PIAS1: variants seen among roughly 807,000 people sequenced by gnomAD.
The protein encoded by PIAS1 is protein inhibitor of activated STAT 1.
PIAS1 carries 6 observed loss-of-function variants against 71.3 expected under a neutral mutation model. That is an observed-to-expected ratio of 0.08 (90% CI 0.05 to 0.17). PIAS1 has a LOEUF of 0.17. Among genes scored for constraint, PIAS1 ranks in the 10% least tolerant of loss-of-function variants. PIAS1 has a pLI of 1.00. For missense variants in PIAS1, 555 were observed against 793.6 expected, an observed-to-expected ratio of 0.70 and a Z score of 3.61; for synonymous variants, 303 against 292.9, an observed-to-expected ratio of 1.03 and a Z score of -0.35.
Position 68,187,671 on chromosome 15 carries a change from A to G in PIAS1, c.1792A>G (p.Ser598Gly). The change falls in exon 14 of 14, where the codon AGT becomes GGT. Residue 598 changes from serine to glycine, a missense_variant. By Grantham distance (56) the Ser-to-Gly change is moderately conservative. Around this residue, in one of 5 missense-constraint regions of PIAS1, gnomAD observed 244 missense variants for 307.5 expected, o/e 0.79. Coordinates refer to ENST00000249636, the MANE Select transcript of PIAS1 (RefSeq NM_016166.3). The surrounding 1 kb of genome is among the most constrained non-coding windows in gnomAD (Gnocchi z 5.3). ...TCTTGATCAGTTAAGTGCAGGAGGC[A>G]GTACTTCTCTGCCAACCACCAATGG... The part of the protein sequence containing the change: ...MFLDQLSAGG[S>G]TSLPTTNGSS... 3 of 1,614,030 alleles carry G rather than the reference A, an allele frequency of 1.9e-6. No individual in the cohort carries two copies. Among genetic ancestry groups the G allele is most frequent in the Non-Finnish European group, 2.5e-6 (3 of 1,179,892 alleles).
chr15:68,108,028 C>T (rs1209138923), intron 2 of PIAS1, among the ~76,000 whole-genome samples: 2 of 152,126 alleles, frequency 1.3e-5, no homozygotes, highest in African/African-American at 2.4e-5. Flanking sequence ...AGCATAAAAG[C>T]TAATCCATCA....
At chr15:68,127,540 CAT>C (rs1297438491) in intron 2 of PIAS1, among the ~76,000 whole-genome samples, 4 of 150,212 alleles carry the variant, frequency 2.7e-5, no homozygotes, top group African/African-American at 9.8e-5. Context: ...TGTTACCACT[CAT>C]ATATTTGCTT....
At chr15:68,168,959 T>C (rs1023258238) in intron 8 of PIAS1, among the ~76,000 whole-genome samples, 1 of 152,214 alleles carries the variant, frequency 6.6e-6, no homozygotes, top group Non-Finnish European at 1.5e-5. Context: ...TGAAGGCCTT[T>C]GGAAAACAGC....
At chr15:68,066,463 C>T (rs556507303) in intron 1 of PIAS1, among the ~76,000 whole-genome samples, 1 of 152,122 alleles carries the variant, frequency 6.6e-6, no homozygotes, top group African/African-American at 2.4e-5. Context: ...TGAAAAATTC[C>T]CTAACTTAAT....
chr15:68,091,894 C>T (rs953787590), intron 2 of PIAS1, among the ~76,000 whole-genome samples: 5 of 152,092 alleles, frequency 3.3e-5, no homozygotes, highest in Admixed American at 6.6e-5. Flanking sequence ...TGTAGGTACT[C>T]GAAGTAATTT....
rs2093069954 is a variant in PIAS1 at position 68,183,646 on chromosome 15, T to C, written c.1641T>C (p.Pro547=). Residue 547 remains proline, a synonymous_variant, in exon 13 of 14, where the codon CCT becomes CCC. Transcript: ENST00000249636. ...CTTCCACAGGATTAGATTTCTTTCC[T>C]TTCTTATCAGGAGACAATCAGGTAT... is the stretch of plus-strand genomic sequence containing the variant. ...PYDLQGLDFF[P]FLSGDNQHYN... 1.8e-6 allele frequency: 2 copies of C among 1,133,112 alleles called. No individual in the cohort carries two copies. The highest frequency in any genetic ancestry group is 2.6e-6 in the Non-Finnish European group (2 of 777,904). 70.2% of individuals were successfully genotyped at this position (1,133,112 alleles called of 1,614,324 possible).
At chr15:68,073,239 G>T (rs1165740470) in intron 1 of PIAS1, among the ~76,000 whole-genome samples, 1 of 152,008 alleles carries the variant, frequency 6.6e-6, no homozygotes. Context: ...GGATGGTCTC[G>T]ATCTCCTGAC....
chr15:68,079,089 G>A (rs2092201028), intron 1 of PIAS1, among the ~76,000 whole-genome samples: 1 of 147,104 alleles, frequency 6.8e-6, no homozygotes, highest in African/African-American at 2.5e-5. Context: ...CTGTAAGATT[G>A]TAATTTGGTA....
chr15:68,116,722 A>G (rs2092568045), intron 2 of PIAS1, among the ~76,000 whole-genome samples: 1 of 151,702 alleles, frequency 6.6e-6, no homozygotes, highest in Non-Finnish European at 1.5e-5. Context: ...AGAGCTGTAA[A>G]TTTCTCTCTA....
intron 1 of PIAS1, among the ~76,000 whole-genome samples, chr15:68,060,895 G>T (rs990707268): frequency 6.6e-6 from 1 of 152,198 alleles, no homozygotes; most frequent in Non-Finnish European, 1.5e-5. Flanking sequence ...TGTTGGCCAG[G>T]TTGGTCTCTA....
At chr15:68,116,886 T>G (rs918771036) in intron 2 of PIAS1, among the ~76,000 whole-genome samples, 3 of 152,198 alleles carry the variant, frequency 2.0e-5, no homozygotes, top group African/African-American at 7.2e-5. Flanking sequence ...TTTCCTGATA[T>G]AGTTCTTGTT....
At chr15:68,109,813 C>G (rs1342830873) in intron 2 of PIAS1, among the ~76,000 whole-genome samples, 1 of 152,192 alleles carries the variant, frequency 6.6e-6, no homozygotes, top group African/African-American at 2.4e-5. Flanking sequence ...ACAAAAATGT[C>G]TATTCAGGGA....
At chr15:68,112,583 C>T (rs893760358) in intron 2 of PIAS1, among the ~76,000 whole-genome samples, 2 of 152,118 alleles carry the variant, frequency 1.3e-5, no homozygotes, top group Non-Finnish European at 2.9e-5. Context: ...ATGCCTACTA[C>T]AGCCTAATAG....
At position 68,120,142 on chromosome 15, in the gene PIAS1, C is replaced by G. The variant is rs188173182; in HGVS notation, c.470-21804C>G. Among the ~76,000 whole-genome samples, 42 of 152,218 alleles carry G rather than the reference C, an allele frequency of 2.8e-4. 1 individual carries two copies. The East Asian group carries it at 3.3e-3, about 12-fold the overall frequency. On this transcript the variant is annotated intron_variant, in intron 2 of 13. Coordinates refer to ENST00000249636, the MANE Select transcript of PIAS1 (RefSeq NM_016166.3). ...TTGTTTTGGTCATGGTATATCTTAT[C>G]CTTCTTTGTTACCATGATGTATCTT...
At chr15:68,059,813 T>G (rs2091938388) in intron 1 of PIAS1, among the ~76,000 whole-genome samples, 2 of 151,970 alleles carry the variant, frequency 1.3e-5, no homozygotes, top group Non-Finnish European at 2.9e-5. Context: ...ATTCCTGGCC[T>G]CAAACAGTGC....
In PIAS1 at chr15:68,185,083, T is replaced by G. The variant is rs1270178135; in HGVS notation, c.1662+1416T>G. The G allele has an allele frequency of 6.6e-6, 1 of 152,512 alleles. No individual in the cohort carries two copies. The highest frequency in any genetic ancestry group is 2.4e-5 in the African/African-American group (1 of 41,464). The allele number at this position is 152,512 out of a possible 1,614,324, so 9.4% of individuals were successfully genotyped here. ...ATGCTCCCACACATCCTCATTTCAT[T>G]GGTGATCTTCATCCCAATATCAAAG... On this transcript the variant is annotated intron_variant, in intron 13 of 13. Transcript: ENST00000249636. The surrounding 1 kb of genome is among the most constrained non-coding windows in gnomAD (Gnocchi z 4.4).
At chr15:68,138,745 G>T (rs2092750496) in intron 2 of PIAS1, among the ~76,000 whole-genome samples, 2 of 152,238 alleles carry the variant, frequency 1.3e-5, no homozygotes, top group Non-Finnish European at 2.9e-5. Context: ...AAAGTGCTGG[G>T]ATTACAGGCG....
In PIAS1 at chr15:68,086,522, C is replaced by G. The variant is rs774247965; in HGVS notation, c.241C>G (p.His81Asp). The change falls in exon 2 of 14, where the codon CAT (histidine) becomes GAT (aspartate). Residue 81 changes from histidine to aspartate, a missense_variant. By Grantham distance (81) the His-to-Asp change is moderately conservative (BLOSUM62 -1). This residue lies in a region of PIAS1 where 80 missense variants were observed against 66.9 expected (regional missense o/e 1.20). Coordinates refer to ENST00000249636, the MANE Select transcript of PIAS1 (RefSeq NM_016166.3). This position sits in a 1 kb window ranked among gnomAD's most constrained non-coding sequence, Gnocchi z 7.2. ...TPADLSIPNV[H>D]SSPMPATLSP... ...TGCAGACTTGTCCATCCCCAACGTA[C>G]ATTCAAGTCCTATGCCAGCAACTTT... 1.2e-6 allele frequency: 2 copies of G among 1,613,644 alleles called. No individual in the cohort carries two copies. The highest frequency in any genetic ancestry group is 1.7e-6 in the Non-Finnish European group (2 of 1,179,700).
intron 2 of PIAS1, among the ~76,000 whole-genome samples, chr15:68,096,948 A>G (rs1183472272): frequency 6.6e-6 from 1 of 152,174 alleles, no homozygotes; most frequent in African/African-American, 2.4e-5. Flanking sequence ...TTCTAGTACT[A>G]TGTTGAGTAG....
Sources: allele counts gnomAD v4.1 joint callset (sites outside exome capture counted in the v4.1 genomes callset), GRCh38; gene constraint gnomAD v4.1.1; regional missense constraint gnomAD v4.1.1; non-coding constraint Gnocchi (gnomAD v3.1); transcripts MANE v1.5; gene names NCBI Gene and HGNC (gene_info 2026-07-23, HGNC 2026-07-21).